CSMD3: variants seen among roughly 807,000 people sequenced by gnomAD.
CSMD3 encodes CUB and sushi domain-containing protein 3.
In CSMD3, 177 loss-of-function variants were observed where a neutral mutation model predicts 435.2. The observed-to-expected ratio is 0.41, with a 90% CI of 0.36 to 0.46. The LOEUF (loss-of-function observed/expected upper bound fraction) is 0.46, where lower values mean the gene tolerates loss of function less well. CSMD3 is among the 20% of genes least tolerant of loss of function. CSMD3 has a pLI of 0.34. For missense variants in CSMD3, 4,265 were observed against 4,504.6 expected (o/e 0.95, Z 1.52); for synonymous variants, 1,656 against 1,520.5 (o/e 1.09, Z -2.07).
intron 1 of CSMD3, among the ~76,000 whole-genome samples, chr8:113,408,033 AT>A (rs1164873000): frequency 2.6e-5 from 4 of 152,122 alleles, no homozygotes; most frequent in South Asian, 2.1e-4. Context: ...ATAGTTAAAA[AT>A]TTTTTTAAAC....
At chr8:112,569,771 C>A (rs1278104850) in intron 24 of CSMD3, among the ~76,000 whole-genome samples, 1 of 152,106 alleles carries the variant, frequency 6.6e-6, no homozygotes, top group Non-Finnish European at 1.5e-5. Context: ...AGATTATTTT[C>A]CTTGAATGTT....
intron 1 of CSMD3, among the ~76,000 whole-genome samples, chr8:113,368,542 ATG>A (rs2133038223): frequency 6.6e-6 from 1 of 152,244 alleles, no homozygotes; most frequent in East Asian, 1.9e-4. Flanking sequence ...AAAGATGTTA[ATG>A]TGTTACCTTT....
intron 24 of CSMD3, among the ~76,000 whole-genome samples, chr8:112,572,583 T>G (rs1336756478): frequency 6.6e-6 from 1 of 152,128 alleles, no homozygotes; most frequent in African/African-American, 2.4e-5. Context: ...TCTGACTTCT[T>G]GAGAAAATTT....
In CSMD3 at chr8:112,313,924, A is replaced by G. The variant is rs1277406481; in HGVS notation, c.7678T>C (p.Phe2560Leu). Residue 2560 changes from phenylalanine to leucine, a missense_variant, in exon 49 of 71, where the codon TTC becomes CTC. This residue lies in a region of CSMD3 where 3,255 missense variants were observed against 3,380.2 expected (regional missense o/e 0.96). Coordinates refer to ENST00000297405, the MANE Select transcript of CSMD3 (RefSeq NM_198123.2). Reference sequence around the variant, plus strand: ...TACATACCTATATATCTTATCCGGAAGCCTTTTTTGTTATTGCCATGATCT... The same window carrying G: ...TACATACCTATATATCTTATCCGGAGGCCTTTTTTGTTATTGCCATGATCT... ...SADHGNNKKG[F>L]RIRYIAFYCS... is the part of the protein sequence containing the mutation. 6.2e-7 allele frequency: 1 copy of G among 1,611,662 alleles called. No homozygotes were observed. Among genetic ancestry groups the G allele is most frequent in the East Asian group, 2.2e-5 (1 of 44,702 alleles).
Position 112,306,179 on chromosome 8 carries a change from C to T in CSMD3, c.7899G>A (p.Gly2633=), listed in dbSNP as rs748415051. 8 of 1,613,000 alleles carry T rather than the reference C, an allele frequency of 5.0e-6. No homozygotes were observed. Among genetic ancestry groups the T allele is most frequent in the Non-Finnish European group, 6.8e-6 (8 of 1,179,432 alleles). ...CTCCATTTGTTGGAGCTTTAGGAAT[C>T]CCACAGGAAATTGCTAGAAAAACAT... ...PVPACQAISC[G]IPKAPTNGGI... The change falls in exon 51 of 71, where the codon GGG becomes GGA. Residue 2633 remains glycine, a synonymous_variant. Coordinates refer to ENST00000297405, the MANE Select transcript of CSMD3 (RefSeq NM_198123.2).
At chr8:113,408,466 GT>G (rs2094542942) in intron 1 of CSMD3, among the ~76,000 whole-genome samples, 1 of 152,028 alleles carries the variant, frequency 6.6e-6, no homozygotes, top group Non-Finnish European at 1.5e-5. Flanking sequence ...GACTAAGGAC[GT>G]TTTTCAATTA....
intron 3 of CSMD3, among the ~76,000 whole-genome samples, chr8:113,183,507 A>C (rs998298928): frequency 1.3e-5 from 2 of 151,962 alleles, no homozygotes; most frequent in Non-Finnish European, 1.5e-5. Flanking sequence ...CGGAAATGCA[A>C]CATTCCTTAC....
chr8:113,333,561 C>G (rs942944814), intron 1 of CSMD3, among the ~76,000 whole-genome samples: 1 of 151,718 alleles, frequency 6.6e-6, no homozygotes, highest in Non-Finnish European at 1.5e-5. Flanking sequence ...TGCTTTTATA[C>G]CTTTCTCAAA....
At position 112,640,109 on chromosome 8, in the gene CSMD3, G is replaced by C. The variant is rs973680349; in HGVS notation, c.3311-1198C>G. ...TTTTTAATTTGTTCCATTCCAGTGA[G>C]TATATAGTGGACTCCTTGTGGTATC... On this transcript the variant is annotated intron_variant, in intron 20 of 70. Coordinates refer to ENST00000297405, the MANE Select transcript of CSMD3 (RefSeq NM_198123.2). Among the ~76,000 whole-genome samples the C allele has an allele frequency of 2.6e-5, 4 of 152,188 alleles. No homozygotes were observed. The South Asian group carries it at 8.3e-4, about 32-fold the overall frequency.
At chr8:112,322,299 G>T (rs2130881109) in intron 45 of CSMD3, among the ~76,000 whole-genome samples, 1 of 152,160 alleles carries the variant, frequency 6.6e-6, no homozygotes, top group East Asian at 1.9e-4. Context: ...GGATTTAAAA[G>T]ATCAAAGGTT....
intron 13 of CSMD3, among the ~76,000 whole-genome samples, chr8:112,715,138 G>A (rs1219980406): frequency 2.0e-5 from 3 of 151,938 alleles, no homozygotes; most frequent in Admixed American, 2.0e-4. Context: ...TCAATGAGCT[G>A]GTTTTTGAAA....
intron 4 of CSMD3, among the ~76,000 whole-genome samples, chr8:113,170,542 G>C (rs1330630254): frequency 6.6e-6 from 1 of 152,090 alleles, no homozygotes; most frequent in Non-Finnish European, 1.5e-5. Flanking sequence ...GTCCCTAGCT[G>C]AAATTCCTTG....
rs117299782 is a variant in CSMD3 at position 112,798,637 on chromosome 8, A to G, written c.1972+1525T>C. On this transcript the variant is annotated intron_variant, in intron 13 of 70. Coordinates refer to ENST00000297405, the MANE Select transcript of CSMD3 (RefSeq NM_198123.2). ...TCTACAATGTACTTCCAGCTCTTGAACCGCAGCAGAGGGGAGAACTGTGTA... is the reference window on the plus strand; with the variant it reads ...TCTACAATGTACTTCCAGCTCTTGAGCCGCAGCAGAGGGGAGAACTGTGTA... Among the ~76,000 whole-genome samples the G allele has an allele frequency of 5.6e-3, 854 of 151,962 alleles. 7 individuals carry two copies. Among genetic ancestry groups the G allele is most frequent in the South Asian group, 0.026 (124 of 4,820 alleles).
intron 14 of CSMD3, among the ~76,000 whole-genome samples, chr8:112,688,064 T>A (rs759295512): frequency 1.3e-5 from 2 of 152,164 alleles, no homozygotes; most frequent in Non-Finnish European, 2.9e-5. Flanking sequence ...ACTATTTAAT[T>A]CTGCAATTGT....
At chr8:112,912,503 T>C (rs891237879) in intron 10 of CSMD3, among the ~76,000 whole-genome samples, 100 of 152,034 alleles carry the variant, frequency 6.6e-4, no homozygotes, top group Non-Finnish European at 2.8e-4. Flanking sequence ...GAAAACTGCA[T>C]ATCCACATGT....
chr8:112,317,273 T>G (rs896073860), intron 47 of CSMD3, among the ~76,000 whole-genome samples: 1 of 152,010 alleles, frequency 6.6e-6, no homozygotes, highest in Non-Finnish European at 1.5e-5. Context: ...CAAAAAACTG[T>G]AAAATATCTA....
chr8:112,773,862 A>C (rs929974533), intron 13 of CSMD3, among the ~76,000 whole-genome samples: 2 of 152,032 alleles, frequency 1.3e-5, no homozygotes, highest in Admixed American at 6.6e-5. Flanking sequence ...AAAGAATGTA[A>C]CAAAAAAATA....
chr8:112,342,232 T>C (rs1392588504), intron 41 of CSMD3, among the ~76,000 whole-genome samples: 1 of 152,144 alleles, frequency 6.6e-6, no homozygotes, highest in Non-Finnish European at 1.5e-5. Context: ...TAATGCAGGC[T>C]TTTATATAAT....
At chr8:112,365,621 A>T (rs1827712655) in intron 38 of CSMD3, among the ~76,000 whole-genome samples, 1 of 152,132 alleles carries the variant, frequency 6.6e-6, no homozygotes, top group Admixed American at 6.5e-5. Flanking sequence ...CAAAAATTAC[A>T]TGAAGAACAA....
Sources: allele counts gnomAD v4.1 joint callset (sites outside exome capture counted in the v4.1 genomes callset), GRCh38; gene constraint gnomAD v4.1.1; regional missense constraint gnomAD v4.1.1; transcripts MANE v1.5; gene names NCBI Gene and HGNC (gene_info 2026-07-23, HGNC 2026-07-21).